AJUBA: variants seen among roughly 807,000 people sequenced by gnomAD.
AJUBA encodes LIM domain-containing protein ajuba.
AJUBA carries 20 observed loss-of-function variants against 53.3 expected under a neutral mutation model. The observed-to-expected ratio is 0.38, with a 90% confidence interval of 0.26 to 0.55. AJUBA has a LOEUF of 0.55. Ranked by LOEUF, AJUBA falls within the 20% of genes least tolerant of loss-of-function variation. The probability of loss-of-function intolerance (pLI) is 0.80; values close to 1 mark genes in which losing one functional copy is unlikely to be tolerated. For missense variants in AJUBA, 580 were observed against 730.5 expected, an observed-to-expected ratio of 0.79 and a Z score of 2.38; for synonymous variants, 296 against 306.2, an observed-to-expected ratio of 0.97 and a Z score of 0.35.
chr14:22,974,277 A>G (rs1475319476), intron 6 of AJUBA, among the ~76,000 whole-genome samples, 162 bp from the exon 7 acceptor site: 1 of 152,186 alleles, frequency 6.6e-6, no homozygotes, highest in East Asian at 1.9e-4. Flanking sequence ...AAATCCTACC[A>G]GAACTCTCAT....
At chr14:22,976,839 G>T (rs1456829547) in intron 2 of AJUBA, 127 bp from the exon 3 acceptor site, 3 of 1,467,430 alleles carry the variant, frequency 2.0e-6, no homozygotes, top group Non-Finnish European at 2.7e-6. Flanking sequence ...CCTAACTGCT[G>T]TCTGTCCTTC....
Position 22,982,383 on chromosome 14 carries a change from A to G in AJUBA, c.-117T>C, listed in dbSNP as rs114896063. The G allele has an allele frequency of 1.6e-3, 2,427 of 1,507,516 alleles. 39 individuals are homozygous for G. The African/African-American group carries it at 0.03, about 19-fold the overall frequency. The allele number at this position is 1,507,516 out of a possible 1,614,324, so 93.4% of individuals were successfully genotyped here. A position where few individuals can be genotyped will look rare whatever the true frequency, so the allele number is the denominator to read the frequency against. On this transcript the variant is annotated 5_prime_UTR_variant, in exon 1 of 8. Transcript: ENST00000262713. ...TTCCCCAGGGGCACAGGGGAGGCAC[A>G]GGGGCTTAGCGGGCGGCCTGGATGC...
chr14:22,981,534 C>T lies in AJUBA; in HGVS notation c.733G>A (p.Gly245Arg), dbSNP rs1477545102. The T allele has an allele frequency of 1.3e-6, 2 of 1,591,644 alleles. No homozygotes were observed. Among genetic ancestry groups the T allele is most frequent in the Non-Finnish European group, 1.7e-6 (2 of 1,172,754 alleles). ...LGSPGALAGA[G>R]VGAAGPLERR... is the part of the protein sequence containing the mutation. ...TCCAAGGGCCCCGCCGCTCCCACTC[C>T]GGCCCCGGCTAGAGCTCCAGGGCTG... Residue 245 changes from glycine to arginine, a missense_variant, in exon 1 of 8, where the codon GGA (glycine) becomes AGA (arginine). Coordinates refer to ENST00000262713, the MANE Select transcript of AJUBA (RefSeq NM_032876.6).
In AJUBA at chr14:22,982,337, T is replaced by A; in HGVS notation, c.-71A>T. 1 of 1,580,754 alleles carries A rather than the reference T, an allele frequency of 6.3e-7. No homozygotes were observed. The highest frequency in any genetic ancestry group is 1.8e-5 in the Admixed American group (1 of 55,608). ...GCGGCGTCTCGGCGGCCGGTTCTCT[T>A]TCCCTGCAGCCGGACTCTGGTTCCC... On this transcript the variant is annotated 5_prime_UTR_variant, in exon 1 of 8. Transcript: ENST00000262713.
intron 3 of AJUBA, 46 bp from the exon 4 acceptor site, chr14:22,976,564 A>G: frequency 6.2e-7 from 1 of 1,613,392 alleles, no homozygotes; most frequent in South Asian, 1.1e-5. Flanking sequence ...CAAACTGAGA[A>G]TGATGGGTGG....
intron 2 of AJUBA, 168 bp from the exon 3 acceptor site, chr14:22,976,880 C>G (rs1280473984): frequency 1.4e-6 from 2 of 1,425,674 alleles, no homozygotes; most frequent in East Asian, 2.5e-5. Flanking sequence ...GATGCAATTC[C>G]AATTTGCTTT....
chr14:22,981,970 C>T lies in AJUBA; in HGVS notation c.297G>A (p.Leu99=). Residue 99 remains leucine (L), a synonymous_variant, in exon 1 of 8, where the codon TTG becomes TTA. Coordinates refer to ENST00000262713, the MANE Select transcript of AJUBA (RefSeq NM_032876.6). ...CGGGGGGCAACGACTGAGGTAGAGG[C>T]AAGGCCCGGGTGGGCGGCGGCCCCG... The part of the protein sequence containing the change: ...FPAGPPPTRA[L]PLPQSLPPDF... The T allele has an allele frequency of 6.3e-7, 1 of 1,578,528 alleles. No homozygotes were observed. The highest frequency in any genetic ancestry group is 8.6e-7 in the Non-Finnish European group (1 of 1,167,110).
Position 22,982,533 on chromosome 14 carries a change from C to T in AJUBA, c.-267G>A. The T allele has an allele frequency of 7.5e-7, 1 of 1,326,502 alleles. No individual in the cohort carries two copies. The highest frequency in any genetic ancestry group is 9.6e-7 in the Non-Finnish European group (1 of 1,039,662). 82.2% of individuals were successfully genotyped at this position (1,326,502 alleles called of 1,614,324 possible). On this transcript the variant is annotated 5_prime_UTR_variant, in exon 1 of 8. It adds an upstream start codon to the 5' untranslated region. Coordinates refer to ENST00000262713, the MANE Select transcript of AJUBA (RefSeq NM_032876.6). ...TCCAGTCCGCAGGTCTATCTGTTCA[C>T]GCGTCGACTCGCCCGACTGCCCCAC...
chr14:22,981,800 C>G lies in AJUBA; in HGVS notation c.467G>C (p.Arg156Pro). The G allele has an allele frequency of 6.5e-7, 1 of 1,533,818 alleles. No homozygotes were observed. Among genetic ancestry groups the G allele is most frequent in the Non-Finnish European group, 8.7e-7 (1 of 1,146,216 alleles). Residue 156 changes from arginine (R) to proline (P), a missense_variant, in exon 1 of 8, where the codon CGG becomes CCG. Coordinates refer to ENST00000262713, the MANE Select transcript of AJUBA (RefSeq NM_032876.6). ...GAGAGGAGGS[R>P]PCSNRTSGIS... is the part of the protein sequence containing the mutation. ...GCCGCTGGTGCGATTGCTGCAGGGC[C>G]GGCTACCTCCAGCTCCGCCAGCCCC... is the stretch of plus-strand genomic sequence containing the variant.
rs567152331 is a variant in AJUBA, at chr14:22,975,193, C to T, written c.1240-89G>A. The T allele has an allele frequency of 2.8e-5, 43 of 1,511,146 alleles. No individual in the cohort carries two copies. In the Middle Eastern group the frequency reaches 6.3e-4, roughly 22 times the overall value. The allele number at this position is 1,511,146 out of a possible 1,614,324, so 93.6% of individuals were successfully genotyped here. On this transcript the variant is annotated intron_variant, in intron 4 of 7. Coordinates refer to ENST00000262713, the MANE Select transcript of AJUBA (RefSeq NM_032876.6). ...TGCTCCTTATTACTCCCATTAACCTCATCCAACCCGCTGCTATACTCCCAG... is the reference window on the plus strand; with the variant it reads ...TGCTCCTTATTACTCCCATTAACCTTATCCAACCCGCTGCTATACTCCCAG...
At chr14:22,978,313 G>T in intron 2 of AJUBA, 31 bp downstream of exon 2, 1 of 1,584,608 alleles carries the variant, frequency 6.3e-7, no homozygotes, top group South Asian at 1.1e-5. Context: ...GGCAGGGGAG[G>T]GGAGTGCTTG....
chr14:22,978,697 A>C (rs940475265), intron 1 of AJUBA: 3 of 1,272,928 alleles, frequency 2.4e-6, no homozygotes, highest in African/African-American at 3.0e-5. Flanking sequence ...CCACTACCTA[A>C]GGAAACCTGG....
rs776387499 is a variant in AJUBA at position 22,982,336 on chromosome 14, T to C, written c.-70A>G. 22 of 1,581,400 alleles carry C rather than the reference T, an allele frequency of 1.4e-5. No individual in the cohort carries two copies. Among genetic ancestry groups the C allele is most frequent in the Non-Finnish European group, 1.6e-5 (19 of 1,169,110 alleles). On this transcript the variant is annotated 5_prime_UTR_variant, in exon 1 of 8. Transcript: ENST00000262713. ...TGCGGCGTCTCGGCGGCCGGTTCTC[T>C]TTCCCTGCAGCCGGACTCTGGTTCC...
intron 1 of AJUBA, chr14:22,978,897 C>G: frequency 1.6e-6 from 2 of 1,287,040 alleles, no homozygotes; most frequent in Non-Finnish European, 1.0e-6. Context: ...GAAATCGTCT[C>G]TGGGACTTCA....
intron 4 of AJUBA, chr14:22,975,678 G>C (rs529691234): frequency 6.6e-6 from 1 of 152,362 alleles, no homozygotes; most frequent in Non-Finnish European, 1.5e-5. Flanking sequence ...GGCTAACACA[G>C]TGAAACCCCG....
chr14:22,981,223 C>A (rs573601007), intron 1 of AJUBA, 38 bp downstream of exon 1: 69 of 1,546,082 alleles, frequency 4.5e-5, no homozygotes, highest in Non-Finnish European at 6.1e-6. Context: ...AATACCGTGA[C>A]GGGTCCCTTC....
chr14:22,981,538 C>T lies in AJUBA; in HGVS notation c.729G>A (p.Gly243=). ...PALGSPGALA[G]AGVGAAGPLE... The stretch of plus-strand genomic sequence containing the variant: ...AGGGCCCCGCCGCTCCCACTCCGGC[C>T]CCGGCTAGAGCTCCAGGGCTGCCCA... The change falls in exon 1 of 8, where the codon GGG becomes GGA. Residue 243 remains glycine, a synonymous_variant. Coordinates refer to ENST00000262713, the MANE Select transcript of AJUBA (RefSeq NM_032876.6). 1 of 1,590,254 alleles carries T rather than the reference C, an allele frequency of 6.3e-7. No individual in the cohort carries two copies. Among genetic ancestry groups the T allele is most frequent in the Non-Finnish European group, 8.5e-7 (1 of 1,172,162 alleles).
In AJUBA at chr14:22,980,010, C is replaced by T. The variant is rs115444332; in HGVS notation, c.1006+1251G>A. 8.6e-3 allele frequency among the ~76,000 whole-genome samples: 1,306 copies of T among 151,854 alleles called. 18 individuals are homozygous for T. The highest frequency in any genetic ancestry group is 0.03 in the African/African-American group (1,234 of 41,390). On this transcript the variant is annotated intron_variant, in intron 1 of 7. Coordinates refer to ENST00000262713, the MANE Select transcript of AJUBA (RefSeq NM_032876.6). ...GTGGGGAAAAGAATGGGGGTGGAGG[C>T]TGGGGGTTGAGTTATGCCCTTATAG...
Position 22,972,239 on chromosome 14 carries a change from G to C in AJUBA, c.*1204C>G. 1 of 152,280 alleles carries C rather than the reference G, an allele frequency of 6.6e-6. No homozygotes were observed. Among genetic ancestry groups the C allele is most frequent in the East Asian group, 1.9e-4 (1 of 5,204 alleles). 9.4% of individuals were successfully genotyped at this position (152,280 alleles called of 1,614,324 possible). ...CAGTTCCCCCCAACTCTAGTTTTGG[G>C]ATTGTGATGGATGCAATCCGGGACC... is the stretch of plus-strand genomic sequence containing the variant. On this transcript the variant is annotated 3_prime_UTR_variant, in exon 8 of 8. Transcript: ENST00000262713.
Sources: allele counts gnomAD v4.1 joint callset (sites outside exome capture counted in the v4.1 genomes callset), GRCh38; gene constraint gnomAD v4.1.1; transcripts MANE v1.5; gene names NCBI Gene and HGNC (gene_info 2026-07-23, HGNC 2026-07-21).